Variants in AP2B1 observed in about 807,000 individuals in gnomAD.
The protein encoded by AP2B1 is AP-2 complex subunit beta.
Under a neutral mutation model 102.0 loss-of-function variants are expected in AP2B1, and 23 were observed. The observed-to-expected ratio is 0.23, with a 90% CI of 0.16 to 0.32. AP2B1 has a LOEUF of 0.32. Ranked by LOEUF, AP2B1 falls within the 10% of genes least tolerant of loss-of-function variation. The pLI is 1.00. For synonymous variants in AP2B1, 381 were observed against 421.2 expected, an observed-to-expected ratio of 0.90 and a Z score of 1.17; for missense variants, 541 against 1,157.4, an observed-to-expected ratio of 0.47 and a Z score of 7.73.
rs1437056819 is a variant in AP2B1, at chr17:35,724,295, T to C, written c.*596T>C. 6.6e-6 allele frequency: 1 copy of C among 152,310 alleles called. No individual in the cohort carries two copies. The highest frequency in any genetic ancestry group is 2.4e-5 in the African/African-American group (1 of 41,456). The allele number at this position is 152,310 out of a possible 1,614,324, so 9.4% of individuals were successfully genotyped here. A position where few individuals can be genotyped will look rare whatever the true frequency, so the allele number is the denominator to read the frequency against. On this transcript the variant is annotated 3_prime_UTR_variant, in exon 22 of 22. Transcript: ENST00000610402. ...ATTTTCAGTTTGCTTTTTTCTTTTTTTCCCCTCCAAACTCCTTTTCCTTGG... is the reference window on the plus strand; with the variant it reads ...ATTTTCAGTTTGCTTTTTTCTTTTTCTCCCCTCCAAACTCCTTTTCCTTGG...
At chr17:35,706,648 CT>C (rs879890152) in intron 18 of AP2B1, among the ~76,000 whole-genome samples, 138 of 145,634 alleles carry the variant, frequency 9.5e-4, no homozygotes, top group African/African-American at 1.1e-3. Flanking sequence ...CCAGTTTTCA[CT>C]TTTTTTTTTT....
chr17:35,596,236 C>T (rs1403020331), intron 2 of AP2B1, among the ~76,000 whole-genome samples: 1 of 152,198 alleles, frequency 6.6e-6, no homozygotes, highest in Non-Finnish European at 1.5e-5. Flanking sequence ...GTTTGTCCTT[C>T]ACTGTTCCCG....
intron 18 of AP2B1, among the ~76,000 whole-genome samples, chr17:35,702,750 T>A (rs2076261654): frequency 6.6e-6 from 1 of 151,960 alleles, no homozygotes; most frequent in Non-Finnish European, 1.5e-5. Context: ...AGTTACCGAG[T>A]TTGGAAAGAC....
At position 35,620,683 on chromosome 17, in the gene AP2B1, G is replaced by A. The variant is rs1257919006; in HGVS notation, c.526-3714G>A. Among the ~76,000 whole-genome samples, 3 of 152,016 alleles carry A rather than the reference G, an allele frequency of 2.0e-5. No individual in the cohort carries two copies. In the East Asian group the frequency reaches 5.8e-4, roughly 29 times the overall value. The stretch of plus-strand genomic sequence containing the variant: ...ATTAAGAAACTTGACTGGGTGTGGT[G>A]GTACAAGCCTGTAGTCCTGGCTACT... On this transcript the variant is annotated intron_variant, in intron 5 of 21. Coordinates refer to ENST00000610402, the MANE Select transcript of AP2B1 (RefSeq NM_001030006.2).
intron 5 of AP2B1, among the ~76,000 whole-genome samples, chr17:35,611,031 C>T (rs1257448149): frequency 6.6e-6 from 1 of 152,052 alleles, no homozygotes; most frequent in African/African-American, 2.4e-5. Context: ...GCTATGATTG[C>T]ACCACTGCAT....
chr17:35,609,348 A>ATT (rs71366466), intron 5 of AP2B1, among the ~76,000 whole-genome samples: 85,212 of 139,380 alleles, frequency 0.61, 26,236 homozygotes, highest in Non-Finnish European at 0.64. Flanking sequence ...CATCCCGCTA[A>ATT]TTTTTTTTTT....
chr17:35,591,983 T>C (rs2142284821), intron 1 of AP2B1, among the ~76,000 whole-genome samples: 1 of 152,308 alleles, frequency 6.6e-6, no homozygotes, highest in Admixed American at 6.5e-5. Flanking sequence ...TAAAGAGCTA[T>C]TAGGATCAAG....
chr17:35,665,815 A>G (rs942634727), intron 14 of AP2B1, among the ~76,000 whole-genome samples: 3 of 152,222 alleles, frequency 2.0e-5, no homozygotes, highest in African/African-American at 7.2e-5. Flanking sequence ...TCAGATACCT[A>G]GACAGCTCCA....
Position 35,627,427 on chromosome 17 carries a change from G to C in AP2B1, c.981G>C (p.Lys327Asn), listed in dbSNP as rs1382707690. ...LKQEIKVFFV[K>N]YNDPIYVKLE... ...AGGAAATCAAAGTCTTCTTTGTGAAGTACAATGATCCCATCTATGTTAAAC... is the reference window on the plus strand; with the variant it reads ...AGGAAATCAAAGTCTTCTTTGTGAACTACAATGATCCCATCTATGTTAAAC... The change falls in exon 8 of 22, where the codon AAG (lysine) becomes AAC (asparagine). Residue 327 changes from lysine (K) to asparagine (N), a missense_variant. Physicochemically the swap from Lys to Asn is moderately conservative, Grantham distance 94. Around this residue, in one of 10 missense-constraint regions of AP2B1, gnomAD observed 134 missense variants for 250.2 expected, o/e 0.54. Coordinates refer to ENST00000610402, the MANE Select transcript of AP2B1 (RefSeq NM_001030006.2). The C allele has an allele frequency of 6.2e-7, 1 of 1,613,858 alleles. No individual in the cohort carries two copies.
intron 12 of AP2B1, among the ~76,000 whole-genome samples, chr17:35,646,022 A>G (rs1398848760): frequency 6.6e-6 from 1 of 152,222 alleles, no homozygotes; most frequent in Non-Finnish European, 1.5e-5. Flanking sequence ...CTTTTGATGT[A>G]ATGAATCAGA....
At position 35,725,425 on chromosome 17, in the gene AP2B1, C is replaced by T. The variant is rs1245490207; in HGVS notation, c.*1726C>T. On this transcript the variant is annotated 3_prime_UTR_variant, in exon 22 of 22. Transcript: ENST00000610402. ...TCGTGGAAAACAAGAGCAAAACTAC[C>T]CCACACCCCTATTTCATGTCTGAAA... 1.3e-5 allele frequency: 2 copies of T among 152,210 alleles called. No individual in the cohort carries two copies. The highest frequency in any genetic ancestry group is 2.9e-5 in the Non-Finnish European group (2 of 68,074). The allele number at this position is 152,210 out of a possible 1,614,324, so 9.4% of individuals were successfully genotyped here. A position where few individuals can be genotyped will look rare whatever the true frequency, so the allele number is the denominator to read the frequency against.
intron 14 of AP2B1, 105 bp downstream of exon 14, chr17:35,657,896 C>A (rs1156522535): frequency 6.3e-6 from 6 of 957,360 alleles, no homozygotes; most frequent in Non-Finnish European, 9.2e-6. Context: ...CCTTGATGAG[C>A]AGTAGTGTCC....
intron 4 of AP2B1, among the ~76,000 whole-genome samples, chr17:35,606,906 A>T (rs953905823): frequency 9.7e-5 from 14 of 143,986 alleles, no homozygotes; most frequent in East Asian, 8.0e-4. Flanking sequence ...ATTCCCATTA[A>T]TTTTTTTTTT....
At chr17:35,635,176 C>T (rs1485384270) in intron 9 of AP2B1, among the ~76,000 whole-genome samples, 1 of 152,158 alleles carries the variant, frequency 6.6e-6, no homozygotes, top group East Asian at 1.9e-4. Context: ...GCCTCAGCCT[C>T]CCAAGTAGCT....
At chr17:35,596,891 A>T in intron 2 of AP2B1, 3 of 702,198 alleles carry the variant, frequency 4.3e-6, no homozygotes, top group South Asian at 4.1e-5. Context: ...TTCGTGATCC[A>T]TGTCACTCTG....
chr17:35,618,818 A>G (rs1359154452), intron 5 of AP2B1, among the ~76,000 whole-genome samples: 1 of 152,204 alleles, frequency 6.6e-6, no homozygotes, highest in African/African-American at 2.4e-5. Context: ...ACTGCTGCAT[A>G]TAAGACAGGT....
At chr17:35,646,773 G>A (rs983144576) in intron 12 of AP2B1, among the ~76,000 whole-genome samples, 1 of 151,796 alleles carries the variant, frequency 6.6e-6, no homozygotes, top group African/African-American at 2.4e-5. Context: ...ACCCTTTGTA[G>A]AGATGGGATT....
At chr17:35,719,222 C>G (rs374634249) in intron 21 of AP2B1, among the ~76,000 whole-genome samples, 45 of 152,030 alleles carry the variant, frequency 3.0e-4, no homozygotes, top group African/African-American at 1.1e-3. Flanking sequence ...AAACTATAGA[C>G]ATTATTCTAA....
chr17:35,598,917 A>T (rs2073383312), intron 3 of AP2B1, among the ~76,000 whole-genome samples: 1 of 152,214 alleles, frequency 6.6e-6, no homozygotes, highest in Non-Finnish European at 1.5e-5. Flanking sequence ...CTTAGATGTT[A>T]CTTGCCTTTT....
Sources: allele counts gnomAD v4.1 joint callset (sites outside exome capture counted in the v4.1 genomes callset), GRCh38; gene constraint gnomAD v4.1.1; regional missense constraint gnomAD v4.1.1; transcripts MANE v1.5; gene names NCBI Gene and HGNC (gene_info 2026-07-23, HGNC 2026-07-21).